Variants in CELSR1 observed in about 807,000 individuals in gnomAD.
CELSR1 encodes the protein adhesion G protein-coupled receptor C1.
A neutral mutation model predicts 249.1 loss-of-function variants in CELSR1; 110 were observed. That is an observed-to-expected ratio of 0.44 (90% CI 0.38 to 0.52). CELSR1 has a LOEUF of 0.52. Ranked by LOEUF, CELSR1 falls within the 20% of genes least tolerant of loss-of-function variation. The pLI, the probability that CELSR1 is intolerant of heterozygous loss-of-function variation, is 0.00. For missense variants in CELSR1, 4,109 were observed against 4,296.4 expected, an observed-to-expected ratio of 0.96 and a Z score of 1.22; for synonymous variants, 2,113 against 1,900.0, an observed-to-expected ratio of 1.11 and a Z score of -2.92.
At position 46,362,568 on chromosome 22, in the gene CELSR1, C is replaced by G. The variant is rs943466029; in HGVS notation, c.*655G>C. ...GGGGCACCAGTTTCGTCAACACATGCCAGATTCAAGTACAACTGTGCAATC... is the reference window on the plus strand; with the variant it reads ...GGGGCACCAGTTTCGTCAACACATGGCAGATTCAAGTACAACTGTGCAATC... On this transcript the variant is annotated 3_prime_UTR_variant, in exon 35 of 35. Transcript: ENST00000674500. 3.3e-5 allele frequency: 5 copies of G among 152,582 alleles called. No individual in the cohort carries two copies. Among genetic ancestry groups the G allele is most frequent in the Admixed American group, 6.5e-5 (1 of 15,302 alleles). 9.5% of individuals were successfully genotyped at this position (152,582 alleles called of 1,614,324 possible).
Position 46,436,387 on chromosome 22 carries a change from G to C in CELSR1, c.4407-98C>G. On this transcript the variant is annotated intron_variant, in intron 3 of 34. Transcript: ENST00000674500. This position sits in a 1 kb window ranked among gnomAD's most constrained non-coding sequence, Gnocchi z 5.9. ...CCAGCCGGAGGAGGGCAAGCACGTG[G>C]GGCTACGATTCAGGAAAGAATGGTG... 1.3e-6 allele frequency: 1 copy of C among 768,292 alleles called. No individual in the cohort carries two copies. Among genetic ancestry groups the C allele is most frequent in the Non-Finnish European group, 2.2e-6 (1 of 451,822 alleles). 47.6% of individuals were successfully genotyped at this position (768,292 alleles called of 1,614,324 possible).
At chr22:46,438,634 A>G (rs749524727) in intron 3 of CELSR1, among the ~76,000 whole-genome samples, 3 of 152,202 alleles carry the variant, frequency 2.0e-5, no homozygotes, top group Non-Finnish European at 2.9e-5. Context: ...CCTTGTGCAG[A>G]CATTTAATTA....
chr22:46,525,558 A>G (rs2080730922), intron 1 of CELSR1, among the ~76,000 whole-genome samples: 1 of 152,240 alleles, frequency 6.6e-6, no homozygotes, highest in African/African-American at 2.4e-5. Context: ...GGTTACAGGA[A>G]AAGAAGAAAA....
In CELSR1 at chr22:46,401,645, G is replaced by A. The variant is rs1171919453; in HGVS notation, c.5227-1743C>T. 1.3e-5 allele frequency among the ~76,000 whole-genome samples: 2 copies of A among 152,208 alleles called. No individual in the cohort carries two copies. Reference sequence around the variant, plus strand: ...CGCCTGTGACCTAGAGTCTCAAGATGCCTAAAAGCTTTCTAGGTTCATGGG... The same window carrying A: ...CGCCTGTGACCTAGAGTCTCAAGATACCTAAAAGCTTTCTAGGTTCATGGG... On this transcript the variant is annotated intron_variant, in intron 9 of 34. Coordinates refer to ENST00000674500, the MANE Select transcript of CELSR1 (RefSeq NM_001378328.1). This position sits in a 1 kb window ranked among gnomAD's most constrained non-coding sequence, Gnocchi z 4.7.
At chr22:46,485,757 G>A (rs556353393) in intron 1 of CELSR1, among the ~76,000 whole-genome samples, 8 of 152,244 alleles carry the variant, frequency 5.3e-5, no homozygotes, top group Admixed American at 2.0e-4. Context: ...CACAGTCTGG[G>A]GAAATGGGCG....
rs754087655 is a variant in CELSR1 at position 46,386,637 on chromosome 22, G to T, written c.6556-52C>A. On this transcript the variant is annotated intron_variant, in intron 18 of 34. Coordinates refer to ENST00000674500, the MANE Select transcript of CELSR1 (RefSeq NM_001378328.1). ...TCAGCCTGCGGAGGCCTGGCTCGTG[G>T]GACGGAGGGACACCTGCCCTGAAAG... The T allele has an allele frequency of 1.2e-5, 17 of 1,440,464 alleles. No homozygotes were observed. The African/African-American group carries it at 1.9e-4, about 16-fold the overall frequency. 89.2% of individuals were successfully genotyped at this position (1,440,464 alleles called of 1,614,324 possible). A position where few individuals can be genotyped will look rare whatever the true frequency, so the allele number is the denominator to read the frequency against.
At chr22:46,373,803 G>A (rs1314125735) in intron 24 of CELSR1, among the ~76,000 whole-genome samples, 1 of 152,160 alleles carries the variant, frequency 6.6e-6, no homozygotes, top group African/African-American at 2.4e-5. Context: ...TGGACACACT[G>A]TCTAATCCTC....
At position 46,534,221 on chromosome 22, in the gene CELSR1, C is replaced by G; in HGVS notation, c.2950G>C (p.Glu984Gln). Residue 984 changes from glutamate to glutamine, a missense_variant, in exon 1 of 35, where the codon GAA becomes CAA. Physicochemically the swap from Glu to Gln is conservative, Grantham distance 29. Around this residue, in one of 7 missense-constraint regions of CELSR1, gnomAD observed 886 missense variants for 896.5 expected, o/e 0.99. Coordinates refer to ENST00000674500, the MANE Select transcript of CELSR1 (RefSeq NM_001378328.1). The surrounding 1 kb of genome is among the most constrained non-coding windows in gnomAD (Gnocchi z 9.7). ...ATGTCCAAGATGGTCACCTGGATTT[C>G]TACCGAGGCGCTAAGGGGAGTGGGA... is the stretch of plus-strand genomic sequence containing the variant. ...GSPTPLSASV[E>Q]IQVTILDIND... 1 of 1,613,818 alleles carries G rather than the reference C, an allele frequency of 6.2e-7. No homozygotes were observed. The highest frequency in any genetic ancestry group is 1.1e-5 in the South Asian group (1 of 91,084).
intron 22 of CELSR1, among the ~76,000 whole-genome samples, chr22:46,379,243 G>A (rs1716801529): frequency 6.6e-6 from 1 of 152,096 alleles, no homozygotes; most frequent in African/African-American, 2.4e-5. Flanking sequence ...CAGAAGCCAG[G>A]GCCCCATTAT....
rs757982670 is a variant in CELSR1 at position 46,391,744 on chromosome 22, G to A, written c.6037C>T (p.Arg2013Cys). The change falls in exon 15 of 35, where the codon CGC becomes TGC. Residue 2013 changes from arginine to cysteine, a missense_variant. Transcript: ENST00000674500. The surrounding 1 kb of genome is among the most constrained non-coding windows in gnomAD (Gnocchi z 4.3). Reference sequence around the variant, plus strand: ...TGCCCGGTGGCCATGTCGCAAGTGCGGCTGTGGGAGCCATGGGGGAAGCAG... The same window carrying A: ...TGCCCGGTGGCCATGTCGCAAGTGCAGCTGTGGGAGCCATGGGGGAAGCAG... ...CDCFPHGSHS[R>C]TCDMATGQCA... is the part of the protein sequence containing the mutation. 1.9e-6 allele frequency: 3 copies of A among 1,612,610 alleles called. No individual in the cohort carries two copies. The highest frequency in any genetic ancestry group is 2.5e-6 in the Non-Finnish European group (3 of 1,179,866).
rs2079568426 is a variant in CELSR1, at chr22:46,429,273, CG to C, written c.4611+4119del. ...AAAACCGATTCTCAAGTGGGGAGAA[CG>C]TTTTCCGTCAGGCATGTCCACCCTT... On this transcript the variant is annotated intron_variant, in intron 5 of 34. Transcript: ENST00000674500. This position sits in a 1 kb window ranked among gnomAD's most constrained non-coding sequence, Gnocchi z 4.1. Among the ~76,000 whole-genome samples the C allele has an allele frequency of 1.3e-5, 2 of 152,196 alleles. No homozygotes were observed. The highest frequency in any genetic ancestry group is 2.4e-5 in the African/African-American group (1 of 41,454).
At position 46,533,806 on chromosome 22, in the gene CELSR1, C is replaced by G. The variant is rs932725815; in HGVS notation, c.3365G>C (p.Gly1122Ala). 1.4e-5 allele frequency: 22 copies of G among 1,613,664 alleles called. No homozygotes were observed. The highest frequency in any genetic ancestry group is 1.8e-5 in the Non-Finnish European group (21 of 1,180,030). The change falls in exon 1 of 35, where the codon GGC becomes GCC. Residue 1122 changes from glycine (G) to alanine (A), a missense_variant. By Grantham distance (60) the Gly-to-Ala change is moderately conservative (BLOSUM62 0). Transcript: ENST00000674500. ...ATGGGCCGGGATGCAGCCGATCACG[C>G]CGGTGGGGAAACTGTTGGACTTGTT... is the stretch of plus-strand genomic sequence containing the variant. ...VTNKSNSFPT[G>A]VIGCIPAHDP...
At chr22:46,525,876 G>T (rs548967691) in intron 1 of CELSR1, among the ~76,000 whole-genome samples, 13 of 152,398 alleles carry the variant, frequency 8.5e-5, no homozygotes, top group African/African-American at 2.4e-4. Flanking sequence ...ACTGGGGCCA[G>T]CGTGGGGTTC....
Position 46,377,104 on chromosome 22 carries a change from G to A in CELSR1, c.7541C>T (p.Ser2514Phe), listed in dbSNP as rs1353189624. ...GATCCCAATCACGAACACCAGCTGA[G>A]AGAGGAAGAGCGCCACGGCGAGGTG... is the stretch of plus-strand genomic sequence containing the variant. ...HKHLAVALFL[S>F]QLVFVIGINQ... Residue 2514 changes from serine (S) to phenylalanine (F), a missense_variant, in exon 24 of 35, where the codon TCT (serine) becomes TTT (phenylalanine). Transcript: ENST00000674500. 2.5e-6 allele frequency: 4 copies of A among 1,613,468 alleles called. No homozygotes were observed. Among genetic ancestry groups the A allele is most frequent in the Admixed American group, 1.7e-5 (1 of 60,000 alleles).
At position 46,472,849 on chromosome 22, in the gene CELSR1, C is replaced by G. The variant is rs1427404154; in HGVS notation, c.3545-8504G>C. 1.3e-5 allele frequency among the ~76,000 whole-genome samples: 2 copies of G among 152,208 alleles called. No individual in the cohort carries two copies. Among genetic ancestry groups the G allele is most frequent in the Non-Finnish European group, 2.9e-5 (2 of 68,046 alleles). On this transcript the variant is annotated intron_variant, in intron 1 of 34. Transcript: ENST00000674500. The surrounding 1 kb of genome is among the most constrained non-coding windows in gnomAD (Gnocchi z 7.0). The stretch of plus-strand genomic sequence containing the variant: ...CTAGGTGCACCCCTCTGGCCTCTGC[C>G]TCTGCGCCAAGTGGCTATGGCTCTC...
At chr22:46,499,892 A>G (rs1311354705) in intron 1 of CELSR1, among the ~76,000 whole-genome samples, 1 of 152,012 alleles carries the variant, frequency 6.6e-6, no homozygotes, top group Admixed American at 6.6e-5. Flanking sequence ...CTCTCCTAAA[A>G]GCCAGAACCG....
intron 31 of CELSR1, 95 bp downstream of exon 31, chr22:46,365,491 G>A (rs2078758845): frequency 1.3e-6 from 2 of 1,545,894 alleles, no homozygotes; most frequent in South Asian, 1.2e-5. Flanking sequence ...AGCATGGCGA[G>A]GCTGCTAGTG....
chr22:46,377,377 A>T (rs1274414297), intron 23 of CELSR1, 116 bp from the exon 24 acceptor site: 4 of 1,205,434 alleles, frequency 3.3e-6, no homozygotes. Flanking sequence ...GGCTGGCAGG[A>T]TCAGGCTGGG....
In CELSR1 at chr22:46,447,949, G is replaced by A. The variant is rs1464792773; in HGVS notation, c.4184-8538C>T. ...AAGCATTCTTAACGGCAAAAGAAAA[G>A]CTCCCAGGAGCCAAGGCCCATCCAG... is the stretch of plus-strand genomic sequence containing the variant. On this transcript the variant is annotated intron_variant, in intron 2 of 34. Transcript: ENST00000674500. This position sits in a 1 kb window ranked among gnomAD's most constrained non-coding sequence, Gnocchi z 4.7. 1.3e-5 allele frequency among the ~76,000 whole-genome samples: 2 copies of A among 152,186 alleles called. No individual in the cohort carries two copies. The highest frequency in any genetic ancestry group is 3.9e-4 in the East Asian group (2 of 5,192).
Sources: gnomAD v4.1 joint callset for allele counts (sites outside exome capture counted in the v4.1 genomes callset) on GRCh38, gnomAD v4.1.1 for gene constraint, gnomAD v4.1.1 regional missense constraint, Gnocchi (gnomAD v3.1) non-coding constraint, MANE v1.5 for transcripts, NCBI Gene and HGNC (gene_info 2026-07-23, HGNC 2026-07-21) for gene names.